Variants in LARGE1 observed in about 807,000 individuals in gnomAD.
LARGE1 encodes xylosyl- and glucuronyltransferase LARGE1.
A neutral mutation model predicts 87.6 loss-of-function variants in LARGE1; 43 were observed. That is an observed-to-expected ratio of 0.49 (90% confidence interval 0.38 to 0.63). LARGE1 has a LOEUF of 0.63. LARGE1 is among the 30% of genes least tolerant of loss of function. LARGE1 has a pLI of 0.00. For missense variants in LARGE1, 802 were observed against 1,000.2 expected (o/e 0.80, Z 2.67); for synonymous variants, 434 against 394.6 (o/e 1.10, Z -1.18).
At chr22:33,732,390 T>G (rs1389719285) in intron 2 of LARGE1, 1 of 152,186 alleles carries the variant, frequency 6.6e-6, no homozygotes, top group East Asian at 1.9e-4. Flanking sequence ...TGAAGAAGAA[T>G]GAGTAGATCT....
intron 6 of LARGE1, among the ~76,000 whole-genome samples, chr22:33,468,190 G>C (rs563072772): frequency 6.6e-6 from 1 of 152,208 alleles, no homozygotes; most frequent in South Asian, 2.1e-4. Context: ...CTTTGTTGAG[G>C]ACTCTCCAAA....
intron 2 of LARGE1, among the ~76,000 whole-genome samples, chr22:33,758,362 T>C (rs2084599761): frequency 2.0e-5 from 3 of 152,204 alleles, no homozygotes; most frequent in Admixed American, 6.5e-5. Flanking sequence ...CCTTACAGCA[T>C]AGAGTCCACA....
chr22:33,325,718 C>T (rs925478434), intron 10 of LARGE1, among the ~76,000 whole-genome samples: 1 of 152,216 alleles, frequency 6.6e-6, no homozygotes, highest in African/African-American at 2.4e-5. Context: ...CTGTGACACC[C>T]CTCCTTCTGA....
chr22:33,630,004 C>T (rs2080053861), intron 3 of LARGE1, among the ~76,000 whole-genome samples: 4 of 152,128 alleles, frequency 2.6e-5, no homozygotes, highest in African/African-American at 7.2e-5. Context: ...TCAAGACCAG[C>T]CTGGCTAACA....
chr22:33,650,223 C>A (rs5994783), intron 3 of LARGE1, 144 bp downstream of exon 3: 7 of 1,017,874 alleles, frequency 6.9e-6, no homozygotes, highest in Non-Finnish European at 1.1e-5. Flanking sequence ...GCAAAGTTAG[C>A]GAGCAAGCCA....
intron 5 of LARGE1, among the ~76,000 whole-genome samples, chr22:33,570,681 A>C (rs943207268): frequency 6.6e-6 from 1 of 151,112 alleles, no homozygotes; most frequent in Non-Finnish European, 1.5e-5. Flanking sequence ...TCACAAGCTG[A>C]AATCTGGAAA....
chr22:33,250,640 G>T (rs1926971430), intron 11 of LARGE1, among the ~76,000 whole-genome samples: 2 of 152,086 alleles, frequency 1.3e-5, no homozygotes, highest in South Asian at 4.1e-4. Context: ...TTAGCTGTAG[G>T]TTTTTTGTAT....
chr22:33,743,831 A>C (rs1377908943), intron 2 of LARGE1, among the ~76,000 whole-genome samples: 1 of 152,228 alleles, frequency 6.6e-6, no homozygotes, highest in African/African-American at 2.4e-5. Flanking sequence ...TGCACAAGAC[A>C]TTCACCTTCC....
intron 1 of LARGE1, among the ~76,000 whole-genome samples, chr22:33,791,357 T>C (rs934674423): frequency 1.3e-5 from 2 of 152,152 alleles, no homozygotes; most frequent in African/African-American, 4.8e-5. Flanking sequence ...ACCCTAGGAG[T>C]AAACTCTTCT....
intron 12 of LARGE1, among the ~76,000 whole-genome samples, chr22:33,290,226 A>C (rs1932285982): frequency 6.6e-6 from 1 of 152,002 alleles, no homozygotes; most frequent in Non-Finnish European, 1.5e-5. Flanking sequence ...GGTCCCTGTA[A>C]CCAGGGAAAC....
At chr22:33,558,724 C>A (rs1311815467) in intron 6 of LARGE1, among the ~76,000 whole-genome samples, 1 of 152,194 alleles carries the variant, frequency 6.6e-6, no homozygotes, top group Non-Finnish European at 1.5e-5. Context: ...ATTAAAAACT[C>A]CTTCGAGGCA....
intron 7 of LARGE1, among the ~76,000 whole-genome samples, chr22:33,385,496 C>T (rs2065291052): frequency 7.8e-6 from 1 of 128,368 alleles, no homozygotes; most frequent in Non-Finnish European, 1.6e-5. Flanking sequence ...CCACGGCACT[C>T]CAGCCTGGAC....
downstream of LARGE1, among the ~76,000 whole-genome samples, chr22:33,269,393 A>G (rs937291157): frequency 5.3e-5 from 8 of 152,226 alleles, no homozygotes; most frequent in African/African-American, 1.9e-4. Flanking sequence ...TTGCACTTAC[A>G]TGAAAGTAGA....
intron 6 of LARGE1, among the ~76,000 whole-genome samples, chr22:33,560,109 G>A (rs148742289): frequency 1.1e-3 from 170 of 152,178 alleles, no homozygotes; most frequent in African/African-American, 3.9e-3. Flanking sequence ...TTCAAATCTC[G>A]GTTTCATGAC....
chr22:33,799,667 G>A (rs1051274565), intron 1 of LARGE1, among the ~76,000 whole-genome samples: 4 of 152,016 alleles, frequency 2.6e-5, no homozygotes, highest in African/African-American at 9.7e-5. Flanking sequence ...TTCCAACCTC[G>A]GCAATCTGCC....
At chr22:33,801,004 G>A (rs117938738) in intron 1 of LARGE1, among the ~76,000 whole-genome samples, 6,316 of 152,186 alleles carry the variant, frequency 0.042, 165 homozygotes, top group Middle Eastern at 0.099. Context: ...GGAGGGACCC[G>A]GGGGAGGTAA....
exon 12 of LARGE1, chr22:33,164,873 A>G (rs1922182716): frequency 6.6e-6 from 1 of 152,258 alleles, no homozygotes; most frequent in Non-Finnish European, 1.5e-5. Context: ...AGCACAGGTA[A>G]GCACATAGGT....
chr22:33,818,718 C>A (rs2146237703), intron 1 of LARGE1, among the ~76,000 whole-genome samples: 1 of 152,282 alleles, frequency 6.6e-6, no homozygotes, highest in Admixed American at 6.5e-5. Flanking sequence ...ACCTACCGAA[C>A]AATGAAAACA....
intron 2 of LARGE1, among the ~76,000 whole-genome samples, chr22:33,690,119 T>G (rs1430538415): frequency 6.6e-6 from 1 of 152,108 alleles, no homozygotes; most frequent in Non-Finnish European, 1.5e-5. Flanking sequence ...GGGTACTCTG[T>G]GGCCAGGCTG....
Sources: allele counts gnomAD v4.1 joint callset (sites outside exome capture counted in the v4.1 genomes callset), GRCh38; gene constraint gnomAD v4.1.1; transcripts MANE v1.5; gene names NCBI Gene and HGNC (gene_info 2026-07-23, HGNC 2026-07-21).